EML1: variants seen among roughly 807,000 people sequenced by gnomAD.
EML1 encodes EMAP like 1.
Under a neutral mutation model 110.4 loss-of-function variants are expected in EML1, and 27 were observed. The observed-to-expected ratio is 0.24, with a 90% CI of 0.18 to 0.34. The LOEUF is 0.34. Ranked by LOEUF, EML1 falls within the 10% of genes least tolerant of loss-of-function variation. The pLI, the probability that EML1 is intolerant of heterozygous loss-of-function variation, is 1.00. For missense variants in EML1, 741 were observed against 1,030.9 expected (o/e 0.72, Z 3.85); for synonymous variants, 344 against 385.8 (o/e 0.89, Z 1.27).
At chr14:99,893,963 T>C (rs998372401) in intron 5 of EML1, among the ~76,000 whole-genome samples, 1 of 152,216 alleles carries the variant, frequency 6.6e-6, no homozygotes, top group African/African-American at 2.4e-5. Flanking sequence ...TATTGAAATA[T>C]TAAAAGTTAT....
At chr14:99,847,548 C>T (rs1294506434) in intron 1 of EML1, among the ~76,000 whole-genome samples, 1 of 152,114 alleles carries the variant, frequency 6.6e-6, no homozygotes, top group Non-Finnish European at 1.5e-5. Context: ...TGAGATCTTG[C>T]TATACCACCC....
chr14:99,827,636 G>C lies in EML1; in HGVS notation c.68-23217G>C, dbSNP rs2058382216. On this transcript the variant is annotated intron_variant, in intron 1 of 21. Coordinates refer to ENST00000262233, the MANE Select transcript of EML1 (RefSeq NM_004434.3). The surrounding 1 kb of genome is among the most constrained non-coding windows in gnomAD (Gnocchi z 4.4). The stretch of plus-strand genomic sequence containing the variant: ...TCCAGTCTGACTGGTGTCCTTATAA[G>C]AAGAGGAGATAAGACTTAGACACAT... Among the ~76,000 whole-genome samples, 1 of 151,676 alleles carries C rather than the reference G, an allele frequency of 6.6e-6. No individual in the cohort carries two copies. The highest frequency in any genetic ancestry group is 1.5e-5 in the Non-Finnish European group (1 of 67,948).
chr14:99,940,129 T>A lies in EML1; in HGVS notation c.*17T>A, dbSNP rs561388962. On this transcript the variant is annotated 3_prime_UTR_variant, in exon 22 of 22. Coordinates refer to ENST00000262233, the MANE Select transcript of EML1 (RefSeq NM_004434.3). ...GTCATTTAGTACCCACCGAGAGCTG[T>A]GGGGAGCAGCATGGGCAAGGAAGAC... The A allele has an allele frequency of 1.1e-5, 17 of 1,521,552 alleles. No individual in the cohort carries two copies. The East Asian group carries it at 2.5e-4, about 22-fold the overall frequency. 94.3% of individuals were successfully genotyped at this position (1,521,552 alleles called of 1,614,324 possible). A position where few individuals can be genotyped will look rare whatever the true frequency, so the allele number is the denominator to read the frequency against.
chr14:99,798,478 C>T (rs968317519), intron 1 of EML1, among the ~76,000 whole-genome samples: 1 of 151,810 alleles, frequency 6.6e-6, no homozygotes, highest in Non-Finnish European at 1.5e-5. Context: ...CTAAAACCTC[C>T]GCCCCCTAGG....
rs114244129 is a variant in EML1 at position 99,885,598 on chromosome 14, T to G, written c.519-5601T>G. Among the ~76,000 whole-genome samples, 590 of 152,318 alleles carry G rather than the reference T, an allele frequency of 3.9e-3. 4 individuals carry two copies. The highest frequency in any genetic ancestry group is 0.014 in the African/African-American group (567 of 41,580). On this transcript the variant is annotated intron_variant, in intron 4 of 21. Transcript: ENST00000262233. Reference sequence around the variant, plus strand: ...CACATTTTACACTGGAAGATGAGACTTACGCATTTTTTACTGAAAAAAATG... The same window carrying G: ...CACATTTTACACTGGAAGATGAGACGTACGCATTTTTTACTGAAAAAAATG...
intron 1 of EML1, among the ~76,000 whole-genome samples, chr14:99,796,936 T>TGTGTGAGAGA (rs368044152): frequency 0.05 from 7,436 of 150,012 alleles, 249 homozygotes; most frequent in East Asian, 0.13. Flanking sequence ...TGTGTGTGTG[T>TGTGTGAGAGA]GAGAGAGTAA....
intron 1 of EML1, among the ~76,000 whole-genome samples, chr14:99,807,779 G>A (rs1595312028): frequency 6.6e-6 from 1 of 152,306 alleles, no homozygotes; most frequent in East Asian, 1.9e-4. Flanking sequence ...CCAGCACAGC[G>A]TTGTCTAGAA....
chr14:99,933,019 A>G (rs1566945821), intron 17 of EML1, among the ~76,000 whole-genome samples: 1 of 152,112 alleles, frequency 6.6e-6, no homozygotes, highest in Non-Finnish European at 1.5e-5. Flanking sequence ...TCGGGAGACC[A>G]TGGCAGGAGT....
At chr14:99,913,179 A>G (rs1218719955) in intron 13 of EML1, among the ~76,000 whole-genome samples, 1 of 151,638 alleles carries the variant, frequency 6.6e-6, no homozygotes, top group Non-Finnish European at 1.5e-5. Flanking sequence ...TATTATTATT[A>G]TTATTAATTA....
At position 99,832,947 on chromosome 14, in the gene EML1, T is replaced by C. The variant is rs60967100; in HGVS notation, c.68-17906T>C. On this transcript the variant is annotated intron_variant, in intron 1 of 21. Coordinates refer to ENST00000262233, the MANE Select transcript of EML1 (RefSeq NM_004434.3). ...AGGGGTACATGTGTCGGTTCTTACA[T>C]GGGTGTATTTCATGATGCTGAGGTT... 5.6e-3 allele frequency among the ~76,000 whole-genome samples: 858 copies of C among 152,316 alleles called. 4 individuals carry two copies. The highest frequency in any genetic ancestry group is 0.02 in the African/African-American group (816 of 41,574).
intron 1 of EML1, among the ~76,000 whole-genome samples, chr14:99,739,089 T>TGAGAGA (rs879499788): frequency 7.5e-6 from 1 of 133,934 alleles, no homozygotes; most frequent in African/African-American, 3.2e-5. Context: ...TGTGTGTGTG[T>TGAGAGA]GTGAGAGAGA....
upstream of EML1, among the ~76,000 whole-genome samples, chr14:99,789,573 G>A (rs2057638600): frequency 6.6e-6 from 1 of 152,146 alleles, no homozygotes. Flanking sequence ...CCTGCAGTTC[G>A]GAAAGCACTG....
In EML1 at chr14:99,784,920, G is replaced by A. The variant is rs79663020; in HGVS notation, c.-27+10907G>A. ...AAAGCCCCAGGGGCAGACTATTGTG[G>A]GGTGTTTGGGAAATGGAAAAGCAGA... On this transcript the variant is annotated intron_variant, in intron 1 of 22. Coordinates refer to the EML1 transcript ENST00000327921. The surrounding 1 kb of genome is among the most constrained non-coding windows in gnomAD (Gnocchi z 4.5). Among the ~76,000 whole-genome samples the A allele has an allele frequency of 0.041, 6,273 of 152,352 alleles. 166 individuals are homozygous for A. The highest frequency in any genetic ancestry group is 0.053 in the Non-Finnish European group (3,603 of 68,030).
chr14:99,837,417 G>A (rs1202918719), intron 1 of EML1, among the ~76,000 whole-genome samples: 1 of 152,234 alleles, frequency 6.6e-6, no homozygotes, highest in Non-Finnish European at 1.5e-5. Flanking sequence ...TTTAAGGTAG[G>A]AAGGTAATCT....
intron 1 of EML1, among the ~76,000 whole-genome samples, chr14:99,786,516 T>C (rs1199217785): frequency 6.6e-6 from 1 of 152,328 alleles, no homozygotes. Context: ...CAAAGCAGAC[T>C]GGCACAAGGG....
Position 99,905,880 on chromosome 14 carries a change from C to G in EML1, c.1009-1758C>G, listed in dbSNP as rs747015500. Among the ~76,000 whole-genome samples, 1 of 152,146 alleles carries G rather than the reference C, an allele frequency of 6.6e-6. No homozygotes were observed. Among genetic ancestry groups the G allele is most frequent in the Non-Finnish European group, 1.5e-5 (1 of 68,024 alleles). Reference sequence around the variant, plus strand: ...TTAACCCACTCTGTCTTAGGAGAGACTCCTAAGTTAGGCCTCTAACCCAAT... The same window carrying G: ...TTAACCCACTCTGTCTTAGGAGAGAGTCCTAAGTTAGGCCTCTAACCCAAT... On this transcript the variant is annotated intron_variant, in intron 9 of 21. Coordinates refer to ENST00000262233, the MANE Select transcript of EML1 (RefSeq NM_004434.3). This position sits in a 1 kb window ranked among gnomAD's most constrained non-coding sequence, Gnocchi z 4.1.
chr14:99,885,920 A>T (rs1376940828), intron 4 of EML1: 3 of 455,110 alleles, frequency 6.6e-6, no homozygotes, highest in Non-Finnish European at 1.3e-5. Flanking sequence ...CCCAAGCCCT[A>T]GAACACGGAT....
chr14:99,886,641 A>G (rs917973431), intron 4 of EML1, among the ~76,000 whole-genome samples: 3 of 152,214 alleles, frequency 2.0e-5, no homozygotes, highest in African/African-American at 7.2e-5. Context: ...CGTGGCTCCT[A>G]TTAGTTCCAC....
intron 1 of EML1, among the ~76,000 whole-genome samples, chr14:99,847,392 C>T (rs933088234): frequency 5.3e-5 from 8 of 152,182 alleles, no homozygotes; most frequent in South Asian, 4.2e-4. Context: ...ATTCTGTTTT[C>T]GAGGCTGGAG....
Sources: allele counts gnomAD v4.1 joint callset (sites outside exome capture counted in the v4.1 genomes callset), GRCh38; gene constraint gnomAD v4.1.1; non-coding constraint Gnocchi (gnomAD v3.1); transcripts MANE v1.5; gene names NCBI Gene and HGNC (gene_info 2026-07-23, HGNC 2026-07-21).